Variants in ZNF407 observed in about 807,000 individuals in gnomAD.
ZNF407 encodes the protein zinc finger protein 407.
In ZNF407, 17 loss-of-function variants were observed where a neutral mutation model predicts 131.2. That is an observed-to-expected ratio of 0.13 (90% confidence interval 0.09 to 0.19). ZNF407 has a LOEUF of 0.19. Ranked by LOEUF, ZNF407 falls within the 10% of genes least tolerant of loss-of-function variation. ZNF407 has a pLI of 1.00. For missense variants in ZNF407, 2,681 were observed against 2,830.6 expected, an observed-to-expected ratio of 0.95 and a Z score of 1.20; for synonymous variants, 1,156 against 1,062.0, an observed-to-expected ratio of 1.09 and a Z score of -1.72.
At chr18:74,953,999 C>T (rs961014705) in intron 8 of ZNF407, among the ~76,000 whole-genome samples, 3 of 152,050 alleles carry the variant, frequency 2.0e-5, no homozygotes, top group South Asian at 2.1e-4. Flanking sequence ...TGTGCGTGCA[C>T]GTGGACACAC....
At chr18:74,685,894 G>C (rs1049905148) in intron 3 of ZNF407, among the ~76,000 whole-genome samples, 1 of 152,128 alleles carries the variant, frequency 6.6e-6, no homozygotes, top group Non-Finnish European at 1.5e-5. Context: ...TTAGTTATCT[G>C]TACTGTTTAT....
chr18:74,712,321 A>T (rs1432918946), intron 3 of ZNF407, among the ~76,000 whole-genome samples: 1 of 152,232 alleles, frequency 6.6e-6, no homozygotes, highest in Non-Finnish European at 1.5e-5. Flanking sequence ...TCTTTTGGGT[A>T]ATTGATGAGA....
chr18:75,032,640 C>T (rs1973254967), intron 8 of ZNF407, among the ~76,000 whole-genome samples: 1 of 152,092 alleles, frequency 6.6e-6, no homozygotes, highest in African/African-American at 2.4e-5. Context: ...GTGTCCTCGC[C>T]AGGAGGAGAC....
At chr18:74,831,946 C>T (rs112977487) in intron 4 of ZNF407, among the ~76,000 whole-genome samples, 22 of 152,346 alleles carry the variant, frequency 1.4e-4, no homozygotes, top group African/African-American at 2.4e-4. Flanking sequence ...TCAATTCTCT[C>T]GTGGCTGCCT....
intron 3 of ZNF407, among the ~76,000 whole-genome samples, chr18:74,775,127 T>G (rs555138346): frequency 6.6e-6 from 1 of 152,328 alleles, no homozygotes; most frequent in South Asian, 2.1e-4. Flanking sequence ...TAAAATTAGA[T>G]ATGAAGTTGT....
intron 3 of ZNF407, among the ~76,000 whole-genome samples, chr18:74,743,027 G>C (rs1968586432): frequency 6.6e-6 from 1 of 152,154 alleles, no homozygotes; most frequent in Admixed American, 6.6e-5. Flanking sequence ...GTGTGAGGAG[G>C]CAGAACTTGA....
At chr18:74,756,570 A>G (rs1418796315) in intron 3 of ZNF407, among the ~76,000 whole-genome samples, 1 of 152,086 alleles carries the variant, frequency 6.6e-6, no homozygotes, top group Admixed American at 6.6e-5. Flanking sequence ...ATGTTTTTAT[A>G]CTTTTTTTGA....
intron 4 of ZNF407, among the ~76,000 whole-genome samples, chr18:74,824,475 A>C (rs1257112307): frequency 6.6e-6 from 1 of 152,216 alleles, no homozygotes; most frequent in Non-Finnish European, 1.5e-5. Flanking sequence ...AGCCTGACTA[A>C]TAAAGAAGAA....
chr18:75,004,561 C>G (rs1048881294), intron 8 of ZNF407, among the ~76,000 whole-genome samples: 1 of 152,142 alleles, frequency 6.6e-6, no homozygotes, highest in African/African-American at 2.4e-5. Context: ...GCCTATCAAG[C>G]GAGTCTCTTG....
intron 4 of ZNF407, among the ~76,000 whole-genome samples, chr18:74,840,037 A>C (rs1211338326): frequency 6.6e-6 from 1 of 152,060 alleles, no homozygotes; most frequent in Non-Finnish European, 1.5e-5. Flanking sequence ...TTAGGCAGAG[A>C]TCTGAGATTC....
At chr18:74,928,471 G>C (rs894532185) in intron 8 of ZNF407, among the ~76,000 whole-genome samples, 2 of 152,160 alleles carry the variant, frequency 1.3e-5, no homozygotes, top group African/African-American at 2.4e-5. Flanking sequence ...ATTTCTGCTG[G>C]ATCTGGAGAA....
At chr18:74,842,063 T>G (rs1378042830) in intron 4 of ZNF407, among the ~76,000 whole-genome samples, 1 of 152,256 alleles carries the variant, frequency 6.6e-6, no homozygotes, top group Non-Finnish European at 1.5e-5. Context: ...TTTAGATTTC[T>G]TTGGTCTTTG....
chr18:74,891,199 T>C (rs1393208012), intron 7 of ZNF407, among the ~76,000 whole-genome samples: 1 of 152,176 alleles, frequency 6.6e-6, no homozygotes, highest in African/African-American at 2.4e-5. Flanking sequence ...GGACCCCATG[T>C]GATGGTCTGT....
chr18:74,821,419 T>G (rs1181332506), intron 4 of ZNF407, among the ~76,000 whole-genome samples: 2 of 148,704 alleles, frequency 1.3e-5, no homozygotes, highest in Admixed American at 1.3e-4. Flanking sequence ...ATCCCTCCCC[T>G]AGTCCCCCAC....
intron 4 of ZNF407, among the ~76,000 whole-genome samples, chr18:74,821,620 A>G (rs1019330605): frequency 1.5e-4 from 23 of 152,128 alleles, no homozygotes; most frequent in African/African-American, 5.3e-4. Context: ...TTATGGCTGC[A>G]TAGTATTCCA....
intron 4 of ZNF407, among the ~76,000 whole-genome samples, chr18:74,802,324 A>G (rs760900440): frequency 5.3e-5 from 8 of 152,222 alleles, no homozygotes; most frequent in Non-Finnish European, 1.2e-4. Flanking sequence ...TAATAGGCAT[A>G]GTACATTTTT....
intron 4 of ZNF407, among the ~76,000 whole-genome samples, chr18:74,827,898 C>A (rs1970430330): frequency 6.6e-6 from 1 of 152,186 alleles, no homozygotes; most frequent in Non-Finnish European, 1.5e-5. Flanking sequence ...TTTTAGCCTT[C>A]CCATGTTTGT....
intron 8 of ZNF407, among the ~76,000 whole-genome samples, chr18:75,016,000 C>G (rs574468076): frequency 6.6e-6 from 1 of 152,058 alleles, no homozygotes; most frequent in South Asian, 2.1e-4. Context: ...CAAAAAAAGC[C>G]TTTTTTGTCA....
intron 8 of ZNF407, among the ~76,000 whole-genome samples, chr18:74,950,683 A>G (rs115078483): frequency 0.033 from 5,025 of 152,304 alleles, 305 homozygotes; most frequent in African/African-American, 0.11. Context: ...AAGCTTCTGT[A>G]GGGCATTTCC....
Sources: allele counts gnomAD v4.1 joint callset (sites outside exome capture counted in the v4.1 genomes callset), GRCh38; gene constraint gnomAD v4.1.1; transcripts MANE v1.5; gene names NCBI Gene and HGNC (gene_info 2026-07-23, HGNC 2026-07-21).